Variants in DSCAML1 observed in about 807,000 individuals in gnomAD.
DSCAML1 encodes the protein DS cell adhesion molecule like 1, also known as cell adhesion molecule DSCAML1.
Under a neutral mutation model 200.5 loss-of-function variants are expected in DSCAML1, and 38 were observed. The ratio of observed to expected loss-of-function variants is 0.19; its 90% CI spans 0.15 to 0.25. The LOEUF (loss-of-function observed/expected upper bound fraction) is 0.25, where lower values mean the gene tolerates loss of function less well. Among genes scored for constraint, DSCAML1 ranks in the 10% least tolerant of loss-of-function variants. DSCAML1 has a pLI of 1.00. For missense variants in DSCAML1, 2,223 were observed against 2,858.8 expected, an observed-to-expected ratio of 0.78 and a Z score of 5.07; for synonymous variants, 1,215 against 1,165.0, an observed-to-expected ratio of 1.04 and a Z score of -0.87.
chr11:117,730,838 G>T (rs1345927428), intron 3 of DSCAML1, among the ~76,000 whole-genome samples: 2 of 152,298 alleles, frequency 1.3e-5, no homozygotes, highest in Admixed American at 1.3e-4. Context: ...TAAATCAAAT[G>T]TGGATTCATC....
At position 117,816,808 on chromosome 11, in the gene DSCAML1, G is replaced by GT. The variant is rs140947261; in HGVS notation, c.-250+581_-250+582insA. 3.9e-5 allele frequency among the ~76,000 whole-genome samples: 5 copies of GT among 128,210 alleles called. 1 individual carries two copies. Among genetic ancestry groups the GT allele is most frequent in the South Asian group, 5.5e-4 (2 of 3,638 alleles). The allele number at this position is 128,210 out of a possible 152,430, so 84.1% of individuals were successfully genotyped here. On this transcript the variant is annotated intron_variant, in intron 1 of 2. Coordinates refer to the DSCAML1 transcript ENST00000525836. ...AGAGTTCGGAATTGCTGGGGGGGTG[G>GT]GGTGGAGATTTCTCCTGATGCCCCA...
At chr11:117,810,036 C>T (rs2055746722) in intron 1 of DSCAML1, among the ~76,000 whole-genome samples, 1 of 151,976 alleles carries the variant, frequency 6.6e-6, no homozygotes, top group Admixed American at 6.6e-5. Context: ...AATATTTTCA[C>T]ACACATTCAC....
intron 3 of DSCAML1, among the ~76,000 whole-genome samples, chr11:117,748,004 C>T (rs2054545036): frequency 6.6e-6 from 1 of 152,160 alleles, no homozygotes; most frequent in Non-Finnish European, 1.5e-5. Context: ...TTCCGCAAGT[C>T]CCATAAAATG....
intron 3 of DSCAML1, among the ~76,000 whole-genome samples, chr11:117,599,041 C>T (rs546818199): frequency 2.6e-5 from 4 of 152,282 alleles, no homozygotes; most frequent in African/African-American, 9.6e-5. Context: ...ATCTCAACAC[C>T]AGTTTCCTAT....
Position 117,518,151 on chromosome 11 carries a change from A to G in DSCAML1, c.1510+315T>C, listed in dbSNP as rs2049812498. ...GGTGTTTAGCATACTTGGGCCCCAG[A>G]GAGATTTGATGGGGAGGAATGGGCT... On this transcript the variant is annotated intron_variant, in intron 7 of 32. Coordinates refer to ENST00000651296, the MANE Select transcript of DSCAML1 (RefSeq NM_020693.4). The surrounding 1 kb of genome is among the most constrained non-coding windows in gnomAD (Gnocchi z 6.3). Among the ~76,000 whole-genome samples, 3 of 151,946 alleles carry G rather than the reference A, an allele frequency of 2.0e-5. No homozygotes were observed. The highest frequency in any genetic ancestry group is 6.5e-5 in the Admixed American group (1 of 15,270).
chr11:117,486,302 AAAGTAGTGGATG>A (rs2049055551), intron 11 of DSCAML1, among the ~76,000 whole-genome samples: 2 of 124,144 alleles, frequency 1.6e-5, no homozygotes, highest in Admixed American at 1.8e-4. Flanking sequence ...GGCAGATGTG[AAAGTAGTGGATG>A]TGAAAGTAGC....
In DSCAML1 at chr11:117,516,619, A is replaced by G. The variant is rs767591467; in HGVS notation, c.1631T>C (p.Leu544Pro). 16 of 1,613,966 alleles carry G rather than the reference A, an allele frequency of 9.9e-6. No homozygotes were observed. Among genetic ancestry groups the G allele is most frequent in the Non-Finnish European group, 1.2e-5 (14 of 1,180,022 alleles). The part of the protein sequence containing the change: ...YSIKWYKDAL[L>P]LPDNHRQVVF... ...CACCTGGCGGTGGTTGTCTGGCAGC[A>G]GCAGGGCATCCTTGTACCACTTGAT... Residue 544 changes from leucine to proline, a missense_variant, in exon 8 of 33, where the codon CTG becomes CCG. By Grantham distance (98) the Leu-to-Pro change is moderately conservative. This residue lies in a region of DSCAML1 where 212 missense variants were observed against 368.0 expected (regional missense o/e 0.58). Transcript: ENST00000651296. This position sits in a 1 kb window ranked among gnomAD's most constrained non-coding sequence, Gnocchi z 5.7.
At chr11:117,606,104 T>G (rs1051055304) in intron 3 of DSCAML1, among the ~76,000 whole-genome samples, 1 of 152,158 alleles carries the variant, frequency 6.6e-6, no homozygotes, top group East Asian at 1.9e-4. Context: ...TTCTTTGCAG[T>G]GGTCCCAGGA....
In DSCAML1 at chr11:117,563,032, C is replaced by T. The variant is rs1056900056; in HGVS notation, c.512-30510G>A. On this transcript the variant is annotated intron_variant, in intron 3 of 32. Coordinates refer to ENST00000651296, the MANE Select transcript of DSCAML1 (RefSeq NM_020693.4). ...TTACAATCACTCATTGACGTGCCCC[C>T]GTTCCAGCCTCCCATCCTAGCCAAC... Among the ~76,000 whole-genome samples the T allele has an allele frequency of 1.2e-4, 18 of 152,262 alleles. 1 individual carries two copies. In the South Asian group the frequency reaches 1.9e-3, roughly 16 times the overall value.
chr11:117,675,376 C>T (rs1183127214), intron 3 of DSCAML1, among the ~76,000 whole-genome samples: 1 of 151,916 alleles, frequency 6.6e-6, no homozygotes, highest in Non-Finnish European at 1.5e-5. Flanking sequence ...TGGCTCACTG[C>T]AGCCTCAAAC....
intron 3 of DSCAML1, among the ~76,000 whole-genome samples, chr11:117,558,442 G>A (rs1027570545): frequency 2.0e-4 from 31 of 152,318 alleles, no homozygotes; most frequent in African/African-American, 7.0e-4. Context: ...AAGGAAGTTG[G>A]AGCCACGAGA....
chr11:117,579,360 A>C lies in DSCAML1; in HGVS notation c.512-46838T>G, dbSNP rs1420061224. On this transcript the variant is annotated intron_variant, in intron 3 of 32. Coordinates refer to ENST00000651296, the MANE Select transcript of DSCAML1 (RefSeq NM_020693.4). ...TGGACTTCCTCTTTATGGCTCCCCT[A>C]TCCTTGTTGATGCCACTCTGGGTAC... 8.5e-5 allele frequency among the ~76,000 whole-genome samples: 13 copies of C among 152,224 alleles called. No individual in the cohort carries two copies. The South Asian group carries it at 2.1e-3, about 24-fold the overall frequency.
At chr11:117,743,640 A>C (rs894316488) in intron 3 of DSCAML1, among the ~76,000 whole-genome samples, 2 of 152,144 alleles carry the variant, frequency 1.3e-5, no homozygotes, top group Admixed American at 1.3e-4. Flanking sequence ...CCAAGCCCAG[A>C]TCCTTCTGAA....
chr11:117,678,837 G>C (rs1478662569), intron 3 of DSCAML1, among the ~76,000 whole-genome samples: 1 of 152,270 alleles, frequency 6.6e-6, no homozygotes, highest in East Asian at 1.9e-4. Context: ...TGTAGGCGAG[G>C]ACTTTGGCTT....
chr11:117,794,859 C>A (rs950641014), intron 1 of DSCAML1, among the ~76,000 whole-genome samples: 6 of 152,128 alleles, frequency 3.9e-5, no homozygotes, highest in African/African-American at 9.7e-5. Context: ...GGCGAGGCAC[C>A]CTGGCGCCCA....
At chr11:117,648,645 T>C (rs79460118) in intron 3 of DSCAML1, among the ~76,000 whole-genome samples, 3,535 of 152,168 alleles carry the variant, frequency 0.023, 139 homozygotes, top group African/African-American at 0.077. Context: ...ACAGCGGTAA[T>C]ACCTCACCCC....
chr11:117,662,900 TC>T (rs1351736097), intron 3 of DSCAML1, among the ~76,000 whole-genome samples: 3 of 152,138 alleles, frequency 2.0e-5, no homozygotes, highest in African/African-American at 4.8e-5. Flanking sequence ...CCCAGATGAT[TC>T]CCAAGCATGT....
At chr11:117,514,996 G>T (rs2049728328) in intron 8 of DSCAML1, among the ~76,000 whole-genome samples, 1 of 152,256 alleles carries the variant, frequency 6.6e-6, no homozygotes, top group South Asian at 2.1e-4. Flanking sequence ...CGTGGAGCAT[G>T]GAGCAATGTG....
rs892852423 is a variant in DSCAML1 at position 117,720,253 on chromosome 11, G to C, written c.511+56538C>G. Reference sequence around the variant, plus strand: ...TTTCCTTTTTACTTATTGGTGCAAGGCAAGTCAGAGAGCCTGACAGGGCCC... The same window carrying C: ...TTTCCTTTTTACTTATTGGTGCAAGCCAAGTCAGAGAGCCTGACAGGGCCC... On this transcript the variant is annotated intron_variant, in intron 3 of 32. Transcript: ENST00000651296. Among the ~76,000 whole-genome samples, 8 of 152,324 alleles carry C rather than the reference G, an allele frequency of 5.3e-5. No individual in the cohort carries two copies. The East Asian group carries it at 1.5e-3, about 29-fold the overall frequency.
Sources: allele counts gnomAD v4.1 joint callset (sites outside exome capture counted in the v4.1 genomes callset), GRCh38; gene constraint gnomAD v4.1.1; regional missense constraint gnomAD v4.1.1; non-coding constraint Gnocchi (gnomAD v3.1); transcripts MANE v1.5; gene names NCBI Gene and HGNC (gene_info 2026-07-23, HGNC 2026-07-21).